RASA2: variants seen among roughly 807,000 people sequenced by gnomAD.
RASA2 encodes the protein RAS p21 protein activator 2.
Under a neutral mutation model 118.2 loss-of-function variants are expected in RASA2, and 155 were observed. That is an observed-to-expected ratio of 1.31 (90% CI 1.15 to 1.50). The LOEUF is 1.50. Among genes scored for constraint, RASA2 ranks in the 40% most tolerant of loss-of-function variants. The pLI is 0.00. For missense variants in RASA2, 1,016 were observed against 1,009.6 expected (o/e 1.01, Z -0.09); for synonymous variants, 353 against 349.1 (o/e 1.01, Z -0.12).
intron 1 of RASA2, among the ~76,000 whole-genome samples, chr3:141,495,379 C>T (rs946792800): frequency 2.0e-5 from 3 of 152,048 alleles, no homozygotes; most frequent in African/African-American, 7.3e-5. Context: ...TTATTATGTC[C>T]AGATTATATA....
At chr3:141,516,095 A>G (rs1333932162) in intron 2 of RASA2, among the ~76,000 whole-genome samples, 1 of 150,504 alleles carries the variant, frequency 6.6e-6, no homozygotes, top group Non-Finnish European at 1.5e-5. Context: ...AGATATACCT[A>G]ATGTAAATGA....
At chr3:141,531,081 T>C (rs1362482523) in intron 4 of RASA2, among the ~76,000 whole-genome samples, 4 of 152,094 alleles carry the variant, frequency 2.6e-5, no homozygotes, top group Non-Finnish European at 5.9e-5. Context: ...ATGTAAAATA[T>C]TGTCTGTTTA....
intron 3 of RASA2, among the ~76,000 whole-genome samples, chr3:141,520,420 T>G (rs1035432682): frequency 6.6e-6 from 1 of 152,110 alleles, no homozygotes; most frequent in Non-Finnish European, 1.5e-5. Context: ...AGGATATAAA[T>G]TGGGACCAAA....
intron 3 of RASA2, among the ~76,000 whole-genome samples, chr3:141,526,305 G>C (rs991626866): frequency 3.3e-5 from 5 of 151,982 alleles, no homozygotes; most frequent in African/African-American, 4.8e-5. Flanking sequence ...TGCCAGTTTA[G>C]TGATTAAACA....
At chr3:141,487,740 A>C (rs1378743811) in intron 1 of RASA2, among the ~76,000 whole-genome samples, 2 of 151,840 alleles carry the variant, frequency 1.3e-5, no homozygotes, top group African/African-American at 4.8e-5. Context: ...GGGCTCGGCG[A>C]GCCTGGGAGA....
rs36013391 is a variant in RASA2 at position 141,497,703 on chromosome 3, G to GA, written c.133+10502dup. Among the ~76,000 whole-genome samples, 610 of 128,276 alleles carry GA rather than the reference G, an allele frequency of 4.8e-3. 3 individuals carry two copies. The highest frequency in any genetic ancestry group is 0.01 in the South Asian group (41 of 3,990). The allele number at this position is 128,276 out of a possible 152,430, so 84.2% of individuals were successfully genotyped here. A position where few individuals can be genotyped will look rare whatever the true frequency, so the allele number is the denominator to read the frequency against. On this transcript the variant is annotated intron_variant, in intron 1 of 23. Transcript: ENST00000286364. ...ATGGCAAAACTCCGTTTCTACAAAC[G>GA]AAAAAAAAAAAAAAATGCCAGGCAT...
At chr3:141,578,901 T>C (rs1007894236) in intron 15 of RASA2, 4 of 152,230 alleles carry the variant, frequency 2.6e-5, no homozygotes, top group African/African-American at 7.2e-5. Context: ...AAGAATATTA[T>C]TTTCTTCAAA....
At chr3:141,561,947 TG>T (rs964890044) in intron 9 of RASA2, among the ~76,000 whole-genome samples, 14 of 151,748 alleles carry the variant, frequency 9.2e-5, no homozygotes, top group African/African-American at 2.7e-4. Flanking sequence ...CTTTTTTTTG[TG>T]GGGGGGCGGT....
intron 3 of RASA2, among the ~76,000 whole-genome samples, chr3:141,524,911 CTT>C (rs1329008317): frequency 6.6e-6 from 1 of 151,974 alleles, no homozygotes; most frequent in Non-Finnish European, 1.5e-5. Flanking sequence ...TTTATCTCCT[CTT>C]TTAGCCATTT....
At chr3:141,560,214 G>A (rs1259984368) in intron 9 of RASA2, among the ~76,000 whole-genome samples, 1 of 152,102 alleles carries the variant, frequency 6.6e-6, no homozygotes, top group African/African-American at 2.4e-5. Flanking sequence ...AATCATCTAG[G>A]AATATTTTTC....
At position 141,500,278 on chromosome 3, in the gene RASA2, G is replaced by C. The variant is rs145761385; in HGVS notation, c.134-11885G>C. ...TGCAGCAATCTGATGTACTCTGAAG[G>C]GGGTAAATTTGAGACTCTTTGGAAG... is the stretch of plus-strand genomic sequence containing the variant. On this transcript the variant is annotated intron_variant, in intron 1 of 23. Transcript: ENST00000286364. Among the ~76,000 whole-genome samples the C allele has an allele frequency of 2.4e-3, 362 of 152,230 alleles. 3 individuals are homozygous for C. The highest frequency in any genetic ancestry group is 8.2e-3 in the African/African-American group (339 of 41,530).
intron 4 of RASA2, among the ~76,000 whole-genome samples, chr3:141,537,276 T>C (rs920941375): frequency 2.6e-5 from 4 of 152,278 alleles, no homozygotes; most frequent in Admixed American, 2.6e-4. Context: ...CTATGCTTTT[T>C]CCCTCTCTGT....
chr3:141,540,386 A>G (rs2082388687), intron 4 of RASA2, 147 bp from the exon 5 acceptor site: 1 of 489,242 alleles, frequency 2.0e-6, no homozygotes, highest in African/African-American at 2.0e-5. Context: ...GGTTTTGGTT[A>G]TTATTCATTT....
intron 21 of RASA2, 119 bp from the exon 22 acceptor site, chr3:141,609,301 C>T (rs544011468): frequency 1.9e-4 from 107 of 557,810 alleles, no homozygotes; most frequent in Admixed American, 1.4e-3. Flanking sequence ...AACTAAATTT[C>T]CAGACTTCCT....
At chr3:141,506,224 A>T (rs1281745575) in intron 1 of RASA2, among the ~76,000 whole-genome samples, 1 of 152,260 alleles carries the variant, frequency 6.6e-6, no homozygotes, top group Non-Finnish European at 1.5e-5. Flanking sequence ...GTAGAGGAAC[A>T]GTTGGTTGTC....
rs1295230655 is a variant in RASA2 at position 141,586,135 on chromosome 3, A to C, written c.1826+37A>C. 4 of 1,520,124 alleles carry C rather than the reference A, an allele frequency of 2.6e-6. No individual in the cohort carries two copies. The African/African-American group carries it at 4.1e-5, about 16-fold the overall frequency. 94.2% of individuals were successfully genotyped at this position (1,520,124 alleles called of 1,614,324 possible). Reference sequence around the variant, plus strand: ...AAATTAGACGTGAAAGTCATATATCAGTATAGATATTAAGTAAGTACAAAG... The same window carrying C: ...AAATTAGACGTGAAAGTCATATATCCGTATAGATATTAAGTAAGTACAAAG... On this transcript the variant is annotated intron_variant, in intron 18 of 23. Transcript: ENST00000286364.
chr3:141,584,350 A>G (rs1207306809), intron 17 of RASA2, among the ~76,000 whole-genome samples: 3 of 151,404 alleles, frequency 2.0e-5, no homozygotes, highest in South Asian at 2.1e-4. Context: ...AAAAAAAAAA[A>G]AAAAAGAAAG....
At chr3:141,582,515 T>C (rs2083131436) in intron 17 of RASA2, among the ~76,000 whole-genome samples, 1 of 152,218 alleles carries the variant, frequency 6.6e-6, no homozygotes, top group Non-Finnish European at 1.5e-5. Context: ...TGATCTTTTT[T>C]CCCCTGATAT....
intron 5 of RASA2, among the ~76,000 whole-genome samples, chr3:141,551,966 G>A (rs1465696183): frequency 1.3e-5 from 2 of 152,124 alleles, no homozygotes; most frequent in African/African-American, 4.8e-5. Context: ...CAGATTGGAA[G>A]AACAGTGCTA....
Sources: gnomAD v4.1 joint callset for allele counts (sites outside exome capture counted in the v4.1 genomes callset) on GRCh38, gnomAD v4.1.1 for gene constraint, MANE v1.5 for transcripts, NCBI Gene and HGNC (gene_info 2026-07-23, HGNC 2026-07-21) for gene names.